The following LPGAT1 variants were observed in gnomAD, a reference collection of about 807,000 sequenced individuals.
LPGAT1 encodes acyl-CoA:lysophosphatidylglycerol acyltransferase 1.
In LPGAT1, 11 loss-of-function variants were observed where a neutral mutation model predicts 47.5. The ratio of observed to expected loss-of-function variants is 0.23; its 90% CI spans 0.15 to 0.38. LPGAT1 has a LOEUF of 0.38. Ranked by LOEUF, LPGAT1 falls within the 10% of genes least tolerant of loss-of-function variation. The probability of loss-of-function intolerance (pLI) is 1.00; values close to 1 mark genes in which losing one functional copy is unlikely to be tolerated. For synonymous variants in LPGAT1, 138 were observed against 144.2 expected, an observed-to-expected ratio of 0.96 and a Z score of 0.31; for missense variants, 293 against 439.0, an observed-to-expected ratio of 0.67 and a Z score of 2.97.
intron 6 of LPGAT1, among the ~76,000 whole-genome samples, chr1:211,762,541 A>C (rs978220092): frequency 6.6e-6 from 1 of 152,254 alleles, no homozygotes; most frequent in Non-Finnish European, 1.5e-5. Context: ...CAAAGGATTA[A>C]ATACATTGAA....
chr1:211,824,053 C>G (rs146331397), intron 2 of LPGAT1, among the ~76,000 whole-genome samples: 2 of 152,098 alleles, frequency 1.3e-5, no homozygotes, highest in East Asian at 3.9e-4. Context: ...GATAATAGAC[C>G]TTTCAGGAAG....
At chr1:211,826,907 G>C (rs569974054) in intron 2 of LPGAT1, among the ~76,000 whole-genome samples, 4 of 152,246 alleles carry the variant, frequency 2.6e-5, no homozygotes, top group Non-Finnish European at 5.9e-5. Flanking sequence ...CCCTCCTATT[G>C]ATGTAAAGGG....
intron 2 of LPGAT1, among the ~76,000 whole-genome samples, chr1:211,819,364 A>G (rs1660283727): frequency 6.6e-6 from 1 of 152,128 alleles, no homozygotes; most frequent in Non-Finnish European, 1.5e-5. Context: ...GCATGGTGGT[A>G]CATGCCTGTC....
In LPGAT1 at chr1:211,830,396, C is replaced by T; in HGVS notation, c.-28+177G>A. On this transcript the variant is annotated intron_variant, in intron 1 of 7. Coordinates refer to ENST00000366997, the MANE Select transcript of LPGAT1 (RefSeq NM_014873.3). The surrounding 1 kb of genome is among the most constrained non-coding windows in gnomAD (Gnocchi z 5.9). Reference sequence around the variant, plus strand: ...GTCACCCGGGCGGGTCCCGGGGAGGCGGGCGGATGCCCCGCGCCCCCGCCT... The same window carrying T: ...GTCACCCGGGCGGGTCCCGGGGAGGTGGGCGGATGCCCCGCGCCCCCGCCT... 1.7e-6 allele frequency: 2 copies of T among 1,172,140 alleles called. No individual in the cohort carries two copies. Among genetic ancestry groups the T allele is most frequent in the Non-Finnish European group, 2.1e-6 (2 of 949,504 alleles). 72.6% of individuals were successfully genotyped at this position (1,172,140 alleles called of 1,614,324 possible).
intron 6 of LPGAT1, among the ~76,000 whole-genome samples, chr1:211,757,714 G>T (rs1397230884): frequency 6.6e-6 from 1 of 152,210 alleles, no homozygotes; most frequent in East Asian, 1.9e-4. Context: ...GATGTAATCA[G>T]AGGAACAGAG....
intron 2 of LPGAT1, among the ~76,000 whole-genome samples, chr1:211,820,413 C>T (rs10863925): frequency 0.31 from 47,271 of 151,446 alleles, 9,112 homozygotes; most frequent in East Asian, 0.71. Context: ...AATAATTTTG[C>T]TTGATTTTAA....
chr1:211,803,159 A>T (rs113581421), intron 2 of LPGAT1: 1 of 152,190 alleles, frequency 6.6e-6, no homozygotes, highest in Non-Finnish European at 1.5e-5. Context: ...AGAATTCTCC[A>T]CCCAGCCAAA....
At chr1:211,807,082 T>C (rs1253011254) in intron 2 of LPGAT1, among the ~76,000 whole-genome samples, 3 of 152,140 alleles carry the variant, frequency 2.0e-5, no homozygotes, top group Non-Finnish European at 2.9e-5. Flanking sequence ...AGTTGCAGGA[T>C]ACAAAACTGA....
chr1:211,778,171 T>C (rs1658486587), intron 6 of LPGAT1, among the ~76,000 whole-genome samples: 1 of 151,642 alleles, frequency 6.6e-6, no homozygotes, highest in South Asian at 2.1e-4. Flanking sequence ...TGAAACCCCG[T>C]CTCTACTAAA....
chr1:211,761,561 G>A (rs1410625417), intron 6 of LPGAT1, among the ~76,000 whole-genome samples: 1 of 152,158 alleles, frequency 6.6e-6, no homozygotes, highest in Non-Finnish European at 1.5e-5. Flanking sequence ...AGCAGAACTG[G>A]GAGAAACAGA....
intron 6 of LPGAT1, among the ~76,000 whole-genome samples, chr1:211,775,193 T>C (rs12046648): frequency 0.024 from 3,641 of 152,276 alleles, 80 homozygotes; most frequent in South Asian, 0.11. Flanking sequence ...GGCAGGTGCC[T>C]GCAAACCCAG....
At chr1:211,814,253 T>C (rs17018096) in intron 2 of LPGAT1, among the ~76,000 whole-genome samples, 3,611 of 152,152 alleles carry the variant, frequency 0.024, 68 homozygotes, top group Non-Finnish European at 0.03. Flanking sequence ...CTCAGCCCAA[T>C]AGTTAGGAAC....
At chr1:211,814,338 TCA>T (rs1434739192) in intron 2 of LPGAT1, among the ~76,000 whole-genome samples, 2 of 152,048 alleles carry the variant, frequency 1.3e-5, no homozygotes, top group African/African-American at 4.8e-5. Context: ...TGGAAGGGTG[TCA>T]CAAGGTTAGA....
At chr1:211,773,630 G>A (rs1385361737) in intron 6 of LPGAT1, among the ~76,000 whole-genome samples, 1 of 152,154 alleles carries the variant, frequency 6.6e-6, no homozygotes, top group Non-Finnish European at 1.5e-5. Context: ...GAAGTGAAAT[G>A]GACATTTATA....
chr1:211,827,005 A>G (rs1660563564), intron 2 of LPGAT1, among the ~76,000 whole-genome samples: 1 of 152,216 alleles, frequency 6.6e-6, no homozygotes, highest in African/African-American at 2.4e-5. Context: ...CTCTGCTTAG[A>G]TGTGCTTCTT....
chr1:211,776,227 A>C (rs1328091164), intron 6 of LPGAT1, among the ~76,000 whole-genome samples: 1 of 152,186 alleles, frequency 6.6e-6, no homozygotes, highest in African/African-American at 2.4e-5. Flanking sequence ...TCTGACTGTC[A>C]TATGTCACAT....
chr1:211,760,791 G>A (rs768571934), intron 6 of LPGAT1, among the ~76,000 whole-genome samples: 4 of 152,102 alleles, frequency 2.6e-5, no homozygotes, highest in East Asian at 1.9e-4. Flanking sequence ...AAGGGTGCTC[G>A]GAGCAACATA....
rs943824026 is a variant in LPGAT1, at chr1:211,815,452, T to C, written c.238+13607A>G. Among the ~76,000 whole-genome samples, 6 of 152,116 alleles carry C rather than the reference T, an allele frequency of 3.9e-5. No homozygotes were observed. In the East Asian group the frequency reaches 5.8e-4, roughly 15 times the overall value. Reference sequence around the variant, plus strand: ...TTTCCATCTCCACTGCCATCATCACTAGACCAACCATCACCCTCACCTGAT... The same window carrying C: ...TTTCCATCTCCACTGCCATCATCACCAGACCAACCATCACCCTCACCTGAT... On this transcript the variant is annotated intron_variant, in intron 2 of 7. Transcript: ENST00000366997.
chr1:211,793,487 T>C (rs779208555), intron 2 of LPGAT1, among the ~76,000 whole-genome samples: 1 of 151,696 alleles, frequency 6.6e-6, no homozygotes, highest in African/African-American at 2.4e-5. Flanking sequence ...GGCTGGAGTG[T>C]AGTGGTGCGA....
Sources: allele counts gnomAD v4.1 joint callset (sites outside exome capture counted in the v4.1 genomes callset), GRCh38; gene constraint gnomAD v4.1.1; non-coding constraint Gnocchi (gnomAD v3.1); transcripts MANE v1.5; gene names NCBI Gene and HGNC (gene_info 2026-07-23, HGNC 2026-07-21).